SUGP2: variants seen among roughly 807,000 people sequenced by gnomAD.
The protein encoded by SUGP2 is SURP and G-patch domain containing 2, also known as SURP and G-patch domain-containing protein 2.
Under a neutral mutation model 90.5 loss-of-function variants are expected in SUGP2, and 24 were observed. The ratio of observed to expected loss-of-function variants is 0.27; its 90% CI spans 0.19 to 0.37. The LOEUF (loss-of-function observed/expected upper bound fraction) is 0.37, where lower values mean the gene tolerates loss of function less well. Among genes scored for constraint, SUGP2 ranks in the 10% least tolerant of loss-of-function variants. The probability of loss-of-function intolerance (pLI) is 1.00; values close to 1 mark genes in which losing one functional copy is unlikely to be tolerated. For missense variants in SUGP2, 1,233 were observed against 1,363.3 expected, an observed-to-expected ratio of 0.90 and a Z score of 1.51; for synonymous variants, 473 against 513.4, an observed-to-expected ratio of 0.92 and a Z score of 1.06.
chr19:19,020,300 C>T (rs971931541), intron 3 of SUGP2, among the ~76,000 whole-genome samples: 15 of 151,318 alleles, frequency 9.9e-5, no homozygotes, highest in Non-Finnish European at 1.9e-4. Flanking sequence ...GGCATGGTGG[C>T]GGGCGCCTGT....
intron 2 of SUGP2, among the ~76,000 whole-genome samples, chr19:19,027,295 TA>T (rs906146141): frequency 0.016 from 2,401 of 150,086 alleles, 70 homozygotes; most frequent in African/African-American, 0.056. Flanking sequence ...ATGACCTAGT[TA>T]AAAAAAAAAT....
chr19:19,019,198 C>A lies in SUGP2; in HGVS notation c.1761G>T (p.Val587=), dbSNP rs1244916937. The stretch of plus-strand genomic sequence containing the variant: ...GTTTCACAAGCTGGTCGATGGTGCC[C>A]ACTACCCTGTGATCTGCTCGCTGGG... ...AVPQRADHRV[V]GTIDQLVKRV... Residue 587 remains valine (V), a synonymous_variant, in exon 4 of 11, where the codon GTG becomes GTT. Coordinates refer to ENST00000452918, the MANE Select transcript of SUGP2 (RefSeq NM_001017392.5). 1 of 1,614,066 alleles carries A rather than the reference C, an allele frequency of 6.2e-7. No individual in the cohort carries two copies. The highest frequency in any genetic ancestry group is 1.1e-5 in the South Asian group (1 of 91,068).
chr19:19,028,090 G>A (rs1374683254), intron 2 of SUGP2, among the ~76,000 whole-genome samples: 1 of 152,170 alleles, frequency 6.6e-6, no homozygotes, highest in Non-Finnish European at 1.5e-5. Flanking sequence ...GGAACACAGG[G>A]AATGAAAGGC....
intron 4 of SUGP2, among the ~76,000 whole-genome samples, chr19:19,015,376 T>C (rs1226187906): frequency 6.6e-6 from 1 of 152,206 alleles, no homozygotes; most frequent in Non-Finnish European, 1.5e-5. Flanking sequence ...TTTTGTTAAA[T>C]ACAACATACA....
rs554588271 is a variant in SUGP2 at position 19,009,750 on chromosome 19, C to T, written c.2338+105G>A. Reference sequence around the variant, plus strand: ...CTGGCCAGGTCCCTAGAGCTTTTATCCACTGCCTTGCCTAGATTGCAGGCC... The same window carrying T: ...CTGGCCAGGTCCCTAGAGCTTTTATTCACTGCCTTGCCTAGATTGCAGGCC... On this transcript the variant is annotated intron_variant, in intron 5 of 10. Coordinates refer to ENST00000452918, the MANE Select transcript of SUGP2 (RefSeq NM_001017392.5). The T allele has an allele frequency of 3.5e-6, 5 of 1,421,120 alleles. No homozygotes were observed. The African/African-American group carries it at 7.2e-5, about 20-fold the overall frequency. 88.0% of individuals were successfully genotyped at this position (1,421,120 alleles called of 1,614,324 possible). A position where few individuals can be genotyped will look rare whatever the true frequency, so the allele number is the denominator to read the frequency against.
intron 3 of SUGP2, among the ~76,000 whole-genome samples, chr19:19,019,572 G>A (rs933162740): frequency 6.6e-6 from 1 of 150,958 alleles, no homozygotes; most frequent in Non-Finnish European, 1.5e-5. Flanking sequence ...ACATTAAAGT[G>A]GAAAATATAA....
chr19:19,007,886 A>C (rs551552271), intron 6 of SUGP2, among the ~76,000 whole-genome samples: 1 of 151,598 alleles, frequency 6.6e-6, no homozygotes, highest in African/African-American at 2.4e-5. Flanking sequence ...CAGCCTCCCA[A>C]GCAGCTGGGA....
At chr19:19,007,136 C>G (rs1397075231) in intron 6 of SUGP2, among the ~76,000 whole-genome samples, 1 of 152,154 alleles carries the variant, frequency 6.6e-6, no homozygotes. Flanking sequence ...GGGAAAAACC[C>G]CAGGGGCAGT....
At chr19:19,024,548 A>G in intron 3 of SUGP2, 71 bp downstream of exon 3, 2 of 1,509,912 alleles carry the variant, frequency 1.3e-6, no homozygotes, top group Non-Finnish European at 1.8e-6. Flanking sequence ...TGTGTAAAAA[A>G]ATCTCGAATA....
At chr19:19,002,520 T>G (rs1399050212) in intron 7 of SUGP2, among the ~76,000 whole-genome samples, 7 of 142,330 alleles carry the variant, frequency 4.9e-5, no homozygotes, top group African/African-American at 1.8e-4. Context: ...TTTTTTTTTT[T>G]TTTTTTTTTT....
intron 2 of SUGP2, among the ~76,000 whole-genome samples, chr19:19,027,284 G>A (rs540158896): frequency 7.2e-5 from 11 of 152,038 alleles, no homozygotes; most frequent in South Asian, 4.1e-4. Flanking sequence ...AATCAGAATC[G>A]ATGACCTAGT....
chr19:19,032,228 G>C (rs1403068038), intron 1 of SUGP2, among the ~76,000 whole-genome samples: 3 of 150,100 alleles, frequency 2.0e-5, no homozygotes, highest in Non-Finnish European at 4.4e-5. Context: ...GCATGATCTC[G>C]GCTAACTGCA....
rs184057440 is a variant in SUGP2 at position 19,025,330 on chromosome 19, T to A, written c.1018A>T (p.Thr340Ser). ...GAAAATTTAATATCATCTTTTATGG[T>A]GTGGAATCCTGCCCATTTGATTATT... ...IEIIKWAGFH[T>S]IKDDIKFSQL... The change falls in exon 3 of 11, where the codon ACC becomes TCC. Residue 340 changes from threonine (T) to serine (S), a missense_variant. Thr to Ser is a moderately conservative substitution (Grantham distance 58). Coordinates refer to ENST00000452918, the MANE Select transcript of SUGP2 (RefSeq NM_001017392.5). The A allele has an allele frequency of 2.2e-5, 35 of 1,614,024 alleles. No homozygotes were observed. The Admixed American group carries it at 4.3e-4, about 20-fold the overall frequency.
At chr19:19,024,557 T>A in intron 3 of SUGP2, 62 bp downstream of exon 3, 3 of 1,525,358 alleles carry the variant, frequency 2.0e-6, no homozygotes, top group Non-Finnish European at 2.6e-6. Flanking sequence ...AAATCTCGAA[T>A]AAAAGACATT....
intron 3 of SUGP2, 24 bp downstream of exon 3, chr19:19,024,595 A>T (rs1405693105): frequency 6.4e-7 from 1 of 1,572,324 alleles, no homozygotes; most frequent in Middle Eastern, 1.7e-4. Flanking sequence ...AACAACAAAT[A>T]GAAACTTTGG....
chr19:19,031,271 C>T (rs1359993247), intron 1 of SUGP2, among the ~76,000 whole-genome samples, 189 bp from the exon 2 acceptor site: 1 of 152,032 alleles, frequency 6.6e-6, no homozygotes, highest in Non-Finnish European at 1.5e-5. Context: ...TGGTGGCTCA[C>T]ACCTGTAATC....
rs774333053 is a variant in SUGP2, at chr19:19,010,278, G to A, written c.1915C>T (p.Arg639Trp). ...YYKLKLAEMQ[R>W]MSENLRGADQ... is the part of the protein sequence containing the mutation. ...GCTCCTCGCAAGTTCTCGCTCATCC[G>A]CTGCATTTCTGCCAACTTCAGCTTG... The change falls in exon 5 of 11, where the codon CGG becomes TGG. Residue 639 changes from arginine (R) to tryptophan (W), a missense_variant. This residue lies in a region of SUGP2 where 540 missense variants were observed against 542.6 expected (regional missense o/e 1.00). Transcript: ENST00000452918. 3.7e-5 allele frequency: 60 copies of A among 1,613,726 alleles called. No homozygotes were observed. Among genetic ancestry groups the A allele is most frequent in the Non-Finnish European group, 4.7e-5 (56 of 1,180,024 alleles).
At chr19:19,018,686 C>CAAAAAAAAAA (rs55923416) in intron 4 of SUGP2, among the ~76,000 whole-genome samples, 1 of 85,938 alleles carries the variant, frequency 1.2e-5, no homozygotes, top group African/African-American at 4.8e-5. Flanking sequence ...GGCTCCGTCT[C>CAAAAAAAAAA]AAAAAAAAAA....
intron 7 of SUGP2, 102 bp from the exon 8 acceptor site, chr19:19,001,776 T>TGACA: frequency 9.4e-6 from 11 of 1,169,272 alleles, no homozygotes; most frequent in Non-Finnish European, 1.4e-5. Flanking sequence ...AGTTCTCTGA[T>TGACA]GACAGAAGGT....
Sources: gnomAD v4.1 joint callset for allele counts (sites outside exome capture counted in the v4.1 genomes callset) on GRCh38, gnomAD v4.1.1 for gene constraint, gnomAD v4.1.1 regional missense constraint, MANE v1.5 for transcripts, NCBI Gene and HGNC (gene_info 2026-07-23, HGNC 2026-07-21) for gene names.